The following GRID2 variants were observed in gnomAD, a reference collection of about 807,000 sequenced individuals.
The protein encoded by GRID2 is glutamate ionotropic receptor delta type subunit 2.
A neutral mutation model predicts 114.8 loss-of-function variants in GRID2; 33 were observed. The observed-to-expected ratio is 0.29, with a 90% CI of 0.22 to 0.38. The LOEUF (loss-of-function observed/expected upper bound fraction) is 0.38. Ranked by LOEUF, GRID2 falls within the 10% of genes least tolerant of loss-of-function variation. The pLI is 1.00. For synonymous variants in GRID2, 505 were observed against 449.9 expected (o/e 1.12, Z -1.55); for missense variants, 1,184 against 1,257.7 (o/e 0.94, Z 0.89).
intron 4 of GRID2, among the ~76,000 whole-genome samples, chr4:93,201,579 T>A (rs1035749620): frequency 6.6e-6 from 1 of 152,232 alleles, no homozygotes; most frequent in Non-Finnish European, 1.5e-5. Flanking sequence ...AAATGTGTAA[T>A]ATTTAGTACA....
intron 13 of GRID2, among the ~76,000 whole-genome samples, chr4:93,614,424 C>G (rs1741366509): frequency 6.6e-6 from 1 of 152,016 alleles, no homozygotes; most frequent in Non-Finnish European, 1.5e-5. Context: ...AAAAAGTGAC[C>G]AGCTTTTTAG....
At chr4:92,908,990 A>G (rs1323278525) in intron 2 of GRID2, among the ~76,000 whole-genome samples, 1 of 152,176 alleles carries the variant, frequency 6.6e-6, no homozygotes, top group African/African-American at 2.4e-5. Flanking sequence ...AAGATTATAA[A>G]TTCACATTAA....
At chr4:93,762,250 A>G (rs1382520438) in intron 14 of GRID2, among the ~76,000 whole-genome samples, 1 of 152,194 alleles carries the variant, frequency 6.6e-6, no homozygotes, top group African/African-American at 2.4e-5. Context: ...TTTCTTTCTC[A>G]GTGATAACTG....
intron 9 of GRID2, among the ~76,000 whole-genome samples, chr4:93,421,687 A>C (rs539690785): frequency 3.0e-4 from 46 of 152,300 alleles, no homozygotes; most frequent in Non-Finnish European, 6.2e-4. Flanking sequence ...TACAAAATTT[A>C]TCTCATAGCA....
In GRID2 at chr4:92,446,452, T is replaced by C. The variant is rs183073625; in HGVS notation, c.88+141708T>C. Among the ~76,000 whole-genome samples, 81 of 137,362 alleles carry C rather than the reference T, an allele frequency of 5.9e-4. 1 individual carries two copies. The highest frequency in any genetic ancestry group is 4.2e-3 in the Admixed American group (57 of 13,462). 90.1% of individuals were successfully genotyped at this position (137,362 alleles called of 152,430 possible). On this transcript the variant is annotated intron_variant, in intron 1 of 15. Transcript: ENST00000282020. ...TGTTAAGTGTATCTTTATTCAACAT[T>C]TACTAATACTATCATTTATTTGCTT...
chr4:93,418,367 A>T (rs1476863111), intron 9 of GRID2, among the ~76,000 whole-genome samples: 5 of 151,952 alleles, frequency 3.3e-5, no homozygotes, highest in Non-Finnish European at 5.9e-5. Context: ...CTAATCTATT[A>T]ATGACTCAGT....
In GRID2 at chr4:92,542,127, TAGAAA is replaced by T. The variant is rs200802538; in HGVS notation, c.89-48001_89-47997del. Among the ~76,000 whole-genome samples the T allele has an allele frequency of 3.6e-4, 55 of 152,200 alleles. No homozygotes were observed. The East Asian group carries it at 0.011, about 29-fold the overall frequency. On this transcript the variant is annotated intron_variant, in intron 1 of 15. Coordinates refer to ENST00000282020, the MANE Select transcript of GRID2 (RefSeq NM_001510.4). The stretch of plus-strand genomic sequence containing the variant: ...CAAATGCATATCCTCATTAACTTTT[TAGAAA>T]AGCTGATATGGTATAATAATTATGG...
chr4:92,680,522 G>A (rs1212713912), intron 2 of GRID2, among the ~76,000 whole-genome samples: 1 of 152,038 alleles, frequency 6.6e-6, no homozygotes, highest in African/African-American at 2.4e-5. Flanking sequence ...AAAAGAAAGG[G>A]GGTAATTTTC....
chr4:93,215,436 A>T (rs368453881), intron 5 of GRID2, among the ~76,000 whole-genome samples: 2 of 152,150 alleles, frequency 1.3e-5, no homozygotes, highest in African/African-American at 4.8e-5. Context: ...ATACCGTTTA[A>T]TCCTACTTTG....
At chr4:93,263,241 T>G (rs1358971564) in intron 8 of GRID2, among the ~76,000 whole-genome samples, 1 of 152,000 alleles carries the variant, frequency 6.6e-6, no homozygotes, top group Non-Finnish European at 1.5e-5. Context: ...TTTTTAGATT[T>G]ATTTTGTTTT....
chr4:93,654,132 A>G (rs1560865493), intron 14 of GRID2, among the ~76,000 whole-genome samples: 1 of 151,920 alleles, frequency 6.6e-6, no homozygotes, highest in Non-Finnish European at 1.5e-5. Context: ...ATCCACGATC[A>G]TTTTCTCTCT....
At chr4:93,353,211 A>G (rs1760976801) in intron 8 of GRID2, among the ~76,000 whole-genome samples, 1 of 152,046 alleles carries the variant, frequency 6.6e-6, no homozygotes, top group East Asian at 1.9e-4. Context: ...TGGAAACTAG[A>G]TATTTTAATC....
intron 2 of GRID2, among the ~76,000 whole-genome samples, chr4:93,031,309 G>C (rs1471125660): frequency 1.3e-5 from 2 of 152,082 alleles, no homozygotes; most frequent in African/African-American, 4.8e-5. Flanking sequence ...CTCCCAAAGT[G>C]CTGGGATAAT....
intron 2 of GRID2, among the ~76,000 whole-genome samples, chr4:93,045,263 A>G (rs1039451775): frequency 9.9e-5 from 15 of 152,034 alleles, no homozygotes; most frequent in African/African-American, 3.4e-4. Context: ...GCCTTGGTCT[A>G]TGTTCCCTCT....
At position 92,304,629 on chromosome 4, in the gene GRID2, T is replaced by C; in HGVS notation, c.-28T>C. On this transcript the variant is annotated 5_prime_UTR_variant, in exon 1 of 16. Coordinates refer to ENST00000282020, the MANE Select transcript of GRID2 (RefSeq NM_001510.4). ...AAAAAAAAAATTGGAAGAAAATCCA[T>C]CCTCCAAGAGAATCGGCATAGGAGG... 2 of 1,493,632 alleles carry C rather than the reference T, an allele frequency of 1.3e-6. No individual in the cohort carries two copies. Among genetic ancestry groups the C allele is most frequent in the Non-Finnish European group, 1.9e-6 (2 of 1,071,170 alleles). The allele number at this position is 1,493,632 out of a possible 1,614,324, so 92.5% of individuals were successfully genotyped here. A position where few individuals can be genotyped will look rare whatever the true frequency, so the allele number is the denominator to read the frequency against.
chr4:93,353,736 C>T (rs1761029368), intron 8 of GRID2, among the ~76,000 whole-genome samples: 1 of 151,832 alleles, frequency 6.6e-6, no homozygotes, highest in Non-Finnish European at 1.5e-5. Flanking sequence ...ATGCGTAATA[C>T]AAGAAAGATA....
chr4:93,555,657 G>T (rs1305806728), intron 13 of GRID2, among the ~76,000 whole-genome samples: 5 of 152,188 alleles, frequency 3.3e-5, no homozygotes, highest in Admixed American at 3.3e-4. Flanking sequence ...GCACCTGGGG[G>T]AAGGGGCGGC....
intron 8 of GRID2, among the ~76,000 whole-genome samples, chr4:93,384,457 C>G (rs1421352304): frequency 6.6e-6 from 1 of 152,084 alleles, no homozygotes; most frequent in African/African-American, 2.4e-5. Flanking sequence ...ACACTCAGCA[C>G]TTATTATTTA....
intron 2 of GRID2, among the ~76,000 whole-genome samples, chr4:92,643,936 T>C (rs1476025784): frequency 4.6e-5 from 7 of 151,802 alleles, no homozygotes; most frequent in African/African-American, 1.7e-4. Context: ...CATATTATAA[T>C]ATCTATATTA....
Sources: allele counts gnomAD v4.1 joint callset (sites outside exome capture counted in the v4.1 genomes callset), GRCh38; gene constraint gnomAD v4.1.1; transcripts MANE v1.5; gene names NCBI Gene and HGNC (gene_info 2026-07-23, HGNC 2026-07-21).